TMEM132D: variants seen among roughly 807,000 people sequenced by gnomAD.
TMEM132D encodes the protein mature OL transmembrane protein.
In TMEM132D, 21 loss-of-function variants were observed where a neutral mutation model predicts 62.3. The observed-to-expected ratio is 0.34, with a 90% CI of 0.24 to 0.49. The LOEUF (loss-of-function observed/expected upper bound fraction) is 0.49. Among genes scored for constraint, TMEM132D ranks in the 20% least tolerant of loss-of-function variants. The pLI is 0.99. For missense variants in TMEM132D, 1,346 were observed against 1,402.8 expected (o/e 0.96, Z 0.65); for synonymous variants, 621 against 575.6 (o/e 1.08, Z -1.13).
chr12:129,585,204 T>C (rs924869527), intron 2 of TMEM132D, among the ~76,000 whole-genome samples: 4 of 152,186 alleles, frequency 2.6e-5, no homozygotes, highest in African/African-American at 9.6e-5. Context: ...ATCAGAATGG[T>C]AGAACAATTT....
intron 2 of TMEM132D, among the ~76,000 whole-genome samples, chr12:129,672,218 A>G (rs1199533546): frequency 6.6e-6 from 1 of 152,230 alleles, no homozygotes; most frequent in Non-Finnish European, 1.5e-5. Flanking sequence ...TGTCAGGTAC[A>G]TGTAGCCACG....
At chr12:129,365,139 T>C (rs1398852848) in intron 3 of TMEM132D, among the ~76,000 whole-genome samples, 1 of 152,194 alleles carries the variant, frequency 6.6e-6, no homozygotes. Context: ...GGAGTCCACA[T>C]GCAATTTAGT....
chr12:129,384,928 T>C (rs1593359357), intron 3 of TMEM132D, among the ~76,000 whole-genome samples: 1 of 152,262 alleles, frequency 6.6e-6, no homozygotes, highest in Middle Eastern at 3.4e-3. Flanking sequence ...TTTACTAGAT[T>C]TGAGCCCATC....
At chr12:129,768,016 C>G (rs4334060) in intron 1 of TMEM132D, among the ~76,000 whole-genome samples, 89,124 of 151,956 alleles carry the variant, frequency 0.59, 27,341 homozygotes, top group Middle Eastern at 0.77. Context: ...AAGACTTATT[C>G]ACTATCATGA....
At chr12:129,270,503 T>G (rs1880825649) in intron 4 of TMEM132D, among the ~76,000 whole-genome samples, 1 of 152,338 alleles carries the variant, frequency 6.6e-6, no homozygotes, top group Admixed American at 6.5e-5. Flanking sequence ...TGCGTGCCAA[T>G]GTACCGTACG....
intron 5 of TMEM132D, among the ~76,000 whole-genome samples, chr12:129,170,948 G>A (rs773641221): frequency 1.8e-4 from 27 of 152,170 alleles, no homozygotes; most frequent in Admixed American, 1.4e-3. Context: ...AGTTTGGGGC[G>A]GCTGTGGCAA....
chr12:129,566,362 C>A (rs1877367616), intron 2 of TMEM132D, among the ~76,000 whole-genome samples: 1 of 152,128 alleles, frequency 6.6e-6, no homozygotes, highest in Admixed American at 6.5e-5. Context: ...ATCTAACCAA[C>A]TGAATGAACC....
At chr12:129,694,555 G>T (rs886810640) in intron 2 of TMEM132D, among the ~76,000 whole-genome samples, 1 of 152,198 alleles carries the variant, frequency 6.6e-6, no homozygotes, top group East Asian at 1.9e-4. Flanking sequence ...TGTAACAGTG[G>T]CTGAGTCTTG....
intron 1 of TMEM132D, among the ~76,000 whole-genome samples, chr12:129,880,704 A>G (rs951231411): frequency 6.6e-6 from 1 of 151,702 alleles, no homozygotes; most frequent in Non-Finnish European, 1.5e-5. Context: ...CCCTATGGCA[A>G]CCACTGCAGA....
chr12:129,146,554 C>A (rs571971850), intron 5 of TMEM132D, among the ~76,000 whole-genome samples: 12 of 152,272 alleles, frequency 7.9e-5, no homozygotes, highest in Non-Finnish European at 1.8e-4. Context: ...AATAGAAACT[C>A]CTTTGCCTGG....
intron 1 of TMEM132D, among the ~76,000 whole-genome samples, chr12:129,711,700 C>T (rs1176646707): frequency 7.1e-6 from 1 of 140,714 alleles, no homozygotes; most frequent in Non-Finnish European, 1.5e-5. Flanking sequence ...GCACTCCAGC[C>T]TTGGCAACAA....
chr12:129,892,286 G>A (rs773255392), intron 1 of TMEM132D, among the ~76,000 whole-genome samples: 18 of 152,130 alleles, frequency 1.2e-4, no homozygotes, highest in Non-Finnish European at 2.2e-4. Flanking sequence ...TTTCTCCAAC[G>A]TGTCCTAGAA....
At chr12:129,821,820 T>C (rs1872548629) in intron 1 of TMEM132D, among the ~76,000 whole-genome samples, 1 of 152,158 alleles carries the variant, frequency 6.6e-6, no homozygotes, top group Non-Finnish European at 1.5e-5. Context: ...GGAGATGTGA[T>C]ACTGGTCACT....
At chr12:129,579,451 G>C (rs1436791244) in intron 2 of TMEM132D, among the ~76,000 whole-genome samples, 1 of 152,174 alleles carries the variant, frequency 6.6e-6, no homozygotes, top group Non-Finnish European at 1.5e-5. Context: ...GAGCAAAGAG[G>C]CCAGTGGTGG....
chr12:129,200,167 T>C (rs1469077552), intron 5 of TMEM132D, among the ~76,000 whole-genome samples: 1 of 152,070 alleles, frequency 6.6e-6, no homozygotes, highest in South Asian at 2.1e-4. Context: ...AATCCCTGTA[T>C]CCCGCAGGTG....
chr12:129,777,118 C>G (rs1593157814), intron 1 of TMEM132D, among the ~76,000 whole-genome samples: 2 of 152,174 alleles, frequency 1.3e-5, no homozygotes, highest in Non-Finnish European at 2.9e-5. Context: ...GGCAAAGTGC[C>G]ACTTGTGATG....
Position 129,084,606 on chromosome 12 carries a change from G to T in TMEM132D, c.1540C>A (p.Pro514Thr). ...GGCACCCACACCGTCATCTCCAGGGGGCTGCTCAGGTGCTGGTAGGTGAAG... is the reference window on the plus strand; with the variant it reads ...GGCACCCACACCGTCATCTCCAGGGTGCTGCTCAGGTGCTGGTAGGTGAAG... ...VNFTYQHLSS[P>T]LEMTVWVPRL... is the part of the protein sequence containing the mutation. The change falls in exon 6 of 9, where the codon CCC becomes ACC. Residue 514 changes from proline (P) to threonine (T), a missense_variant. Transcript: ENST00000422113. 1 of 1,614,084 alleles carries T rather than the reference G, an allele frequency of 6.2e-7. No homozygotes were observed. Among genetic ancestry groups the T allele is most frequent in the East Asian group, 2.2e-5 (1 of 44,876 alleles).
At chr12:129,506,750 A>C (rs1875342820) in intron 3 of TMEM132D, among the ~76,000 whole-genome samples, 1 of 152,234 alleles carries the variant, frequency 6.6e-6, no homozygotes, top group African/African-American at 2.4e-5. Context: ...TGGAACTACA[A>C]AAATTCTAGA....
At position 129,084,569 on chromosome 12, in the gene TMEM132D, A is replaced by G. The variant is rs778232035; in HGVS notation, c.1577T>C (p.Leu526Pro). ...EMTVWVPRLP[L>P]QIEVSDTELN... is the part of the protein sequence containing the mutation. ...CTCGGTGTCGGAGACCTCGATCTGC[A>G]GCGGAAGCCGGGGCACCCACACCGT... Residue 526 changes from leucine to proline, a missense_variant, in exon 6 of 9, where the codon CTG becomes CCG. Transcript: ENST00000422113. 1.2e-6 allele frequency: 2 copies of G among 1,614,058 alleles called. No individual in the cohort carries two copies. Among genetic ancestry groups the G allele is most frequent in the Non-Finnish European group, 1.7e-6 (2 of 1,179,964 alleles).
Sources: allele counts gnomAD v4.1 joint callset (sites outside exome capture counted in the v4.1 genomes callset), GRCh38; gene constraint gnomAD v4.1.1; transcripts MANE v1.5; gene names NCBI Gene and HGNC (gene_info 2026-07-23, HGNC 2026-07-21).